Variants in MED6 observed in about 807,000 individuals in gnomAD.
MED6 encodes the protein mediator of RNA polymerase II transcription subunit 6.
A neutral mutation model predicts 37.5 loss-of-function variants in MED6; 33 were observed. The ratio of observed to expected loss-of-function variants is 0.88; its 90% confidence interval spans 0.67 to 1.18. MED6 has a LOEUF of 1.18. Among genes scored for constraint, MED6 ranks in the 50% most tolerant of loss-of-function variants. The probability of loss-of-function intolerance (pLI) is 0.00; values close to 1 mark genes in which losing one functional copy is unlikely to be tolerated. For synonymous variants in MED6, 94 were observed against 93.6 expected (o/e 1.00, Z -0.02); for missense variants, 235 against 290.6 (o/e 0.81, Z 1.39).
At chr14:70,587,340 C>G (rs1455914005) in intron 6 of MED6, among the ~76,000 whole-genome samples, 1 of 152,170 alleles carries the variant, frequency 6.6e-6, no homozygotes, top group African/African-American at 2.4e-5. Flanking sequence ...CATGCTGAGT[C>G]CTCTGAGTCC....
At chr14:70,589,954 TTTC>T (rs1331940861) in intron 6 of MED6, among the ~76,000 whole-genome samples, 1 of 152,220 alleles carries the variant, frequency 6.6e-6, no homozygotes, top group African/African-American at 2.4e-5. Flanking sequence ...AATTTTAAAT[TTTC>T]TTGTCACATT....
intron 3 of MED6, chr14:70,596,341 A>G: frequency 3.4e-6 from 1 of 295,290 alleles, no homozygotes; most frequent in Non-Finnish European, 6.4e-6. Context: ...AGCATAAGAA[A>G]CTTGCACATG....
At chr14:70,586,577 C>T (rs1005317474) in intron 6 of MED6, among the ~76,000 whole-genome samples, 1 of 152,132 alleles carries the variant, frequency 6.6e-6, no homozygotes, top group Non-Finnish European at 1.5e-5. Flanking sequence ...TTTAAAATAC[C>T]TTATTACTTC....
Position 70,593,320 on chromosome 14 carries a change from C to T in MED6, c.333G>A (p.Leu111=), listed in dbSNP as rs2139597869. 6.2e-7 allele frequency: 1 copy of T among 1,613,842 alleles called. No individual in the cohort carries two copies. Among genetic ancestry groups the T allele is most frequent in the Non-Finnish European group, 8.5e-7 (1 of 1,179,838 alleles). The part of the protein sequence containing the change: ...IAGVIYQAPD[L]GSVINSRVLT... Reference sequence around the variant, plus strand: ...CCACTCTAGAGTTTATAACTGATCCCAAGTCTGGTGCCTGATAGATCACTC... The same window carrying T: ...CCACTCTAGAGTTTATAACTGATCCTAAGTCTGGTGCCTGATAGATCACTC... Residue 111 remains leucine, a synonymous_variant, in exon 4 of 8, where the codon TTG becomes TTA. Transcript: ENST00000256379.
intron 1 of MED6, among the ~76,000 whole-genome samples, chr14:70,598,407 G>A (rs1043531636): frequency 1.1e-4 from 16 of 152,084 alleles, no homozygotes; most frequent in African/African-American, 3.6e-4. Flanking sequence ...CCCAAGAGGC[G>A]GAGGTTGCAG....
chr14:70,590,314 CATTT>C (rs1168436888), intron 6 of MED6, among the ~76,000 whole-genome samples: 1 of 152,164 alleles, frequency 6.6e-6, no homozygotes, highest in Non-Finnish European at 1.5e-5. Flanking sequence ...AGCTATAATT[CATTT>C]ATTTATTTAT....
intron 1 of MED6, among the ~76,000 whole-genome samples, chr14:70,598,378 G>A (rs909833424): frequency 6.6e-6 from 1 of 152,142 alleles, no homozygotes; most frequent in African/African-American, 2.4e-5. Context: ...GGGAGGCTGT[G>A]GCAGGAGAAT....
rs1320167067 is a variant in MED6 at position 70,584,725 on chromosome 14, A to C, written c.*88T>G. ...CATTCCATACAAATAAGAAGGTTAC[A>C]ATAAAGTACTTCAAAGCTCAAGAGC... is the stretch of plus-strand genomic sequence containing the variant. On this transcript the variant is annotated 3_prime_UTR_variant, in exon 8 of 8. Transcript: ENST00000256379. The C allele has an allele frequency of 1.4e-6, 2 of 1,474,980 alleles. No individual in the cohort carries two copies. Among genetic ancestry groups the C allele is most frequent in the East Asian group, 4.6e-5 (2 of 43,292 alleles). The allele number at this position is 1,474,980 out of a possible 1,614,324, so 91.4% of individuals were successfully genotyped here.
chr14:70,595,761 C>G lies in MED6; in HGVS notation c.274+850G>C, dbSNP rs1885026471. The G allele has an allele frequency of 2.2e-5, 16 of 714,780 alleles. No individual in the cohort carries two copies. In the South Asian group the frequency reaches 2.3e-4, roughly 10 times the overall value. The allele number at this position is 714,780 out of a possible 1,614,324, so 44.3% of individuals were successfully genotyped here. ...CTCCATGCAAACCATCCAAAAGACC[C>G]CACCCGCCAGGTAGTGGATGGCAGA... On this transcript the variant is annotated intron_variant, in intron 3 of 7. Transcript: ENST00000256379.
intron 2 of MED6, among the ~76,000 whole-genome samples, chr14:70,596,944 A>C (rs1198434761): frequency 6.6e-6 from 1 of 152,226 alleles, no homozygotes; most frequent in Non-Finnish European, 1.5e-5. Flanking sequence ...TATAAATTTA[A>C]ATCTAAGTAT....
chr14:70,599,053 T>A (rs1310901473), intron 1 of MED6, among the ~76,000 whole-genome samples: 1 of 152,234 alleles, frequency 6.6e-6, no homozygotes, highest in East Asian at 1.9e-4. Context: ...TGATGCTTCA[T>A]ACCACTGACT....
At chr14:70,594,832 A>G (rs7156661) in intron 3 of MED6, 135,443 of 637,784 alleles carry the variant, frequency 0.21, 19,377 homozygotes, top group East Asian at 0.53. Context: ...TCAATGCCTG[A>G]CCTCCTACCT....
chr14:70,591,857 CAG>C (rs1233872221), intron 5 of MED6: 9 of 152,122 alleles, frequency 5.9e-5, no homozygotes, highest in Admixed American at 5.9e-4. Context: ...AATAATAAAA[CAG>C]AAAATTATGA....
Position 70,597,639 on chromosome 14 carries a change from C to T in MED6, c.161G>A (p.Arg54Lys), listed in dbSNP as rs769015965. The T allele has an allele frequency of 2.0e-6, 3 of 1,516,568 alleles. No individual in the cohort carries two copies. Among genetic ancestry groups the T allele is most frequent in the Non-Finnish European group, 2.6e-6 (3 of 1,138,390 alleles). 93.9% of individuals were successfully genotyped at this position (1,516,568 alleles called of 1,614,324 possible). Residue 54 changes from arginine to lysine, a missense_variant, in exon 2 of 8, where the codon AGG (arginine) becomes AAG (lysine). Transcript: ENST00000256379. ...TCNNEVVKMQRLTLEHLNQMV... is the reference protein window; with the variant it reads ...TCNNEVVKMQKLTLEHLNQMV... ...TTACTTCAAGTGTTCTAATGTTAGC[C>T]TCTGCATTTTGACCACTTCATTATT...
At position 70,600,646 on chromosome 14, in the gene MED6, G is replaced by C; in HGVS notation, c.-9C>G. ...ATATCCACCGCCGCCATAATTCCGA[G>C]AGCGTTTACAGGTTCTCTTTCCGGC... On this transcript the variant is annotated 5_prime_UTR_variant, in exon 1 of 8. Coordinates refer to ENST00000256379, the MANE Select transcript of MED6 (RefSeq NM_005466.4). 3 of 1,613,170 alleles carry C rather than the reference G, an allele frequency of 1.9e-6. No homozygotes were observed. Among genetic ancestry groups the C allele is most frequent in the Non-Finnish European group, 2.5e-6 (3 of 1,179,914 alleles).
At chr14:70,596,358 T>G (rs1885044858) in intron 3 of MED6, 1 of 350,786 alleles carries the variant, frequency 2.9e-6, no homozygotes, top group East Asian at 4.8e-5. Context: ...CATGGATTCC[T>G]ACAGACCCCA....
chr14:70,595,978 G>A (rs946233444), intron 3 of MED6, among the ~76,000 whole-genome samples: 7 of 152,194 alleles, frequency 4.6e-5, no homozygotes, highest in Non-Finnish European at 7.4e-5. Context: ...GCAGTGAGTC[G>A]CTCTGACTGT....
At chr14:70,595,265 T>C in intron 3 of MED6, 5 of 545,920 alleles carry the variant, frequency 9.2e-6, no homozygotes, top group South Asian at 5.7e-5. Flanking sequence ...TACCCCCAAA[T>C]CTCAGGACCT....
chr14:70,595,914 G>T (rs1481343109), intron 3 of MED6: 1 of 525,882 alleles, frequency 1.9e-6, no homozygotes, highest in African/African-American at 1.9e-5. Flanking sequence ...TACTTGGGAT[G>T]CTTGACGTTC....
Sources: allele counts gnomAD v4.1 joint callset (sites outside exome capture counted in the v4.1 genomes callset), GRCh38; gene constraint gnomAD v4.1.1; transcripts MANE v1.5; gene names NCBI Gene and HGNC (gene_info 2026-07-23, HGNC 2026-07-21).